CAST: variants seen among roughly 807,000 people sequenced by gnomAD.
CAST encodes calpastatin.
CAST carries 76 observed loss-of-function variants against 119.6 expected under a neutral mutation model. The observed-to-expected ratio is 0.64, with a 90% confidence interval of 0.53 to 0.77. The LOEUF (loss-of-function observed/expected upper bound fraction) is 0.77, where lower values mean the gene tolerates loss of function less well. Ranked by LOEUF, CAST falls within the 30% of genes least tolerant of loss-of-function variation. The pLI, the probability that CAST is intolerant of heterozygous loss-of-function variation, is 0.00. For missense variants in CAST, 953 were observed against 946.5 expected (o/e 1.01, Z -0.09); for synonymous variants, 319 against 331.6 (o/e 0.96, Z 0.41).
the CAST span, among the ~76,000 whole-genome samples, chr5:96,441,485 A>G: frequency 6.6e-6 from 1 of 152,152 alleles, no homozygotes; most frequent in African/African-American, 2.4e-5. Context: ...AACTTCACAC[A>G]TCTGCCTTGA....
the CAST span, among the ~76,000 whole-genome samples, chr5:96,173,167 A>G: frequency 1.3e-5 from 2 of 152,178 alleles, no homozygotes; most frequent in African/African-American, 2.4e-5. Context: ...AGACTCCCCA[A>G]ACATGGGAAA....
At chr5:96,345,346 T>C in the CAST span, among the ~76,000 whole-genome samples, 2 of 152,178 alleles carry the variant, frequency 1.3e-5, no homozygotes, top group African/African-American at 4.8e-5. Context: ...GATGATACAC[T>C]ATTTTACTGA....
chr5:96,224,814 C>G, the CAST span, among the ~76,000 whole-genome samples: 2 of 152,162 alleles, frequency 1.3e-5, no homozygotes, highest in Non-Finnish European at 2.9e-5. Flanking sequence ...CAGCAGCTCC[C>G]CTCTAGACTA....
At chr5:96,692,584 G>C (rs1327106032) in intron 2 of CAST, among the ~76,000 whole-genome samples, 1 of 152,158 alleles carries the variant, frequency 6.6e-6, no homozygotes, top group Non-Finnish European at 1.5e-5. Context: ...CAGGGCCCTT[G>C]CACGTGCTGC....
rs185825259 is a variant in CAST at position 96,710,250 on chromosome 5, A to G, written c.211-12389A>G. On this transcript the variant is annotated intron_variant, in intron 3 of 31. Transcript: ENST00000675179. ...TTATGTGATCCTTTCTTTTAACCAAATGTAAGTGTGAAGAGACAGAGATTG... is the reference window on the plus strand; with the variant it reads ...TTATGTGATCCTTTCTTTTAACCAAGTGTAAGTGTGAAGAGACAGAGATTG... Among the ~76,000 whole-genome samples the G allele has an allele frequency of 8.5e-4, 130 of 152,324 alleles. 1 individual carries two copies. Among genetic ancestry groups the G allele is most frequent in the African/African-American group, 2.8e-3 (118 of 41,576 alleles).
chr5:96,119,222 G>T, the CAST span, among the ~76,000 whole-genome samples: 7 of 152,236 alleles, frequency 4.6e-5, no homozygotes, highest in African/African-American at 1.7e-4. Flanking sequence ...TATTTGGAAT[G>T]GAGACCAGAG....
At chr5:96,174,241 T>C in the CAST span, among the ~76,000 whole-genome samples, 1 of 152,234 alleles carries the variant, frequency 6.6e-6, no homozygotes, top group African/African-American at 2.4e-5. Flanking sequence ...TCCTTCTTTC[T>C]GGTTGTCTGG....
chr5:96,731,862 A>G (rs1760601383), intron 9 of CAST, among the ~76,000 whole-genome samples: 1 of 152,064 alleles, frequency 6.6e-6, no homozygotes, highest in East Asian at 1.9e-4. Context: ...ATAGTATTCC[A>G]TGGTGTATAT....
the CAST span, among the ~76,000 whole-genome samples, chr5:96,381,943 C>G: frequency 7.9e-5 from 12 of 152,134 alleles, no homozygotes; most frequent in Admixed American, 2.6e-4. Context: ...TTCTTATGAT[C>G]CAGTGCTTCA....
intron 1 of CAST, among the ~76,000 whole-genome samples, chr5:96,629,008 C>T (rs1747772955): frequency 1.3e-5 from 2 of 152,048 alleles, no homozygotes; most frequent in South Asian, 4.2e-4. Flanking sequence ...TGCCAAGCCT[C>T]CATTTTCGTT....
chr5:96,257,491 A>C, the CAST span, among the ~76,000 whole-genome samples: 3 of 152,192 alleles, frequency 2.0e-5, no homozygotes, highest in African/African-American at 7.2e-5. Context: ...TTGGGATGGA[A>C]AGGATAAAAG....
At chr5:96,329,124 C>T in the CAST span, among the ~76,000 whole-genome samples, 1 of 152,150 alleles carries the variant, frequency 6.6e-6, no homozygotes, top group African/African-American at 2.4e-5. Context: ...AGCAGTAATG[C>T]TTGTGGATTC....
chr5:96,209,989 TG>T, the CAST span: 1 of 151,926 alleles, frequency 6.6e-6, no homozygotes, highest in Non-Finnish European at 1.5e-5. Context: ...GGTCTATTTA[TG>T]TAATCCCATA....
At chr5:96,467,318 T>C in the CAST span, among the ~76,000 whole-genome samples, 1 of 152,104 alleles carries the variant, frequency 6.6e-6, no homozygotes, top group East Asian at 1.9e-4. Context: ...TGCCATGCAA[T>C]ATTCTTTGTT....
the CAST span, among the ~76,000 whole-genome samples, chr5:96,439,918 T>A: frequency 2.6e-3 from 403 of 152,272 alleles, 5 homozygotes; most frequent in Admixed American, 4.5e-3. Context: ...TGATCCCAGT[T>A]ATGACAGGCA....
chr5:96,542,866 A>G (rs141838629), intron 1 of CAST, among the ~76,000 whole-genome samples: 2,510 of 152,330 alleles, frequency 0.016, 75 homozygotes, highest in African/African-American at 0.058. Flanking sequence ...TAGAATGGCA[A>G]TCATTAAAAA....
intron 1 of CAST, among the ~76,000 whole-genome samples, chr5:96,541,292 CT>C (rs1170942366): frequency 3.3e-5 from 5 of 151,820 alleles, no homozygotes; most frequent in African/African-American, 1.2e-4. Context: ...TCAGTTGACT[CT>C]TGCATTCTTT....
chr5:96,186,657 T>C, the CAST span, among the ~76,000 whole-genome samples: 2 of 152,282 alleles, frequency 1.3e-5, no homozygotes, highest in South Asian at 4.1e-4. Flanking sequence ...CATTTATTGA[T>C]TTGTGTTTAT....
chr5:96,333,320 C>T, the CAST span, among the ~76,000 whole-genome samples: 1 of 151,844 alleles, frequency 6.6e-6, no homozygotes, highest in African/African-American at 2.4e-5. Context: ...AGATGAGGAG[C>T]TCTATGTTTG....
Sources: gnomAD v4.1 joint callset for allele counts (sites outside exome capture counted in the v4.1 genomes callset) on GRCh38, gnomAD v4.1.1 for gene constraint, MANE v1.5 for transcripts, NCBI Gene and HGNC (gene_info 2026-07-23, HGNC 2026-07-21) for gene names.